CHCHD6: variants seen among roughly 807,000 people sequenced by gnomAD.
The protein encoded by CHCHD6 is coiled-coil-helix-coiled-coil-helix domain containing 6, also known as MICOS complex subunit MIC25.
In CHCHD6, 28 loss-of-function variants were observed where a neutral mutation model predicts 32.3. That is an observed-to-expected ratio of 0.87 (90% CI 0.64 to 1.19). The LOEUF (loss-of-function observed/expected upper bound fraction) is 1.19, where lower values mean the gene tolerates loss of function less well. Ranked by LOEUF, CHCHD6 falls within the 50% of genes most tolerant of loss-of-function variation. The pLI is 0.00. For synonymous variants in CHCHD6, 122 were observed against 117.5 expected (o/e 1.04, Z -0.25); for missense variants, 333 against 307.0 (o/e 1.08, Z -0.63).
intron 4 of CHCHD6, among the ~76,000 whole-genome samples, chr3:126,807,419 A>G (rs190785722): frequency 6.6e-5 from 10 of 152,302 alleles, no homozygotes; most frequent in Admixed American, 1.3e-4. Flanking sequence ...AATTAAAAAT[A>G]TGGTATCAGA....
At chr3:126,924,452 G>C (rs1181201097) in intron 6 of CHCHD6, among the ~76,000 whole-genome samples, 1 of 152,128 alleles carries the variant, frequency 6.6e-6, no homozygotes, top group African/African-American at 2.4e-5. Flanking sequence ...AAATTAACAA[G>C]ACTACAAACA....
At chr3:126,774,560 G>T (rs971641145) in intron 4 of CHCHD6, among the ~76,000 whole-genome samples, 1 of 152,160 alleles carries the variant, frequency 6.6e-6, no homozygotes, top group African/African-American at 2.4e-5. Context: ...ACCCTGGCTG[G>T]GATGGGGAAG....
At chr3:126,738,757 G>T (rs1936165656) in intron 4 of CHCHD6, among the ~76,000 whole-genome samples, 1 of 152,114 alleles carries the variant, frequency 6.6e-6, no homozygotes, top group African/African-American at 2.4e-5. Context: ...CTATAGAATG[G>T]GTGACAATTC....
At chr3:126,846,169 T>A (rs1409056043) in intron 4 of CHCHD6, among the ~76,000 whole-genome samples, 2 of 152,144 alleles carry the variant, frequency 1.3e-5, no homozygotes, top group African/African-American at 4.8e-5. Flanking sequence ...AATGTCATTA[T>A]TTTTCCTGTC....
At chr3:126,884,512 C>G (rs2077653907) in intron 5 of CHCHD6, among the ~76,000 whole-genome samples, 2 of 151,966 alleles carry the variant, frequency 1.3e-5, no homozygotes, top group African/African-American at 2.4e-5. Flanking sequence ...TAGGAGTTGA[C>G]AAACCATGAA....
chr3:126,939,431 G>C (rs2078527684), intron 6 of CHCHD6, among the ~76,000 whole-genome samples: 1 of 152,210 alleles, frequency 6.6e-6, no homozygotes, highest in Admixed American at 6.5e-5. Context: ...GTTTCTCTCT[G>C]ATTTCATGCG....
chr3:126,727,073 C>A lies in CHCHD6; in HGVS notation c.88-5C>A. ...TTTTCTTTTCCCTCTTTTCTGCTTCCTTAGCTGTCTGAAAACGTGGTGAAC... is the reference window on the plus strand; with the variant it reads ...TTTTCTTTTCCCTCTTTTCTGCTTCATTAGCTGTCTGAAAACGTGGTGAAC... On this transcript the variant is annotated splice_polypyrimidine_tract_variant and splice_region_variant and intron_variant, in intron 1 of 7. Coordinates refer to ENST00000290913, the MANE Select transcript of CHCHD6 (RefSeq NM_032343.3). 1 of 1,608,288 alleles carries A rather than the reference C, an allele frequency of 6.2e-7. No homozygotes were observed. The highest frequency in any genetic ancestry group is 8.5e-7 in the Non-Finnish European group (1 of 1,174,840).
chr3:126,775,793 A>G (rs1365518939), intron 4 of CHCHD6, among the ~76,000 whole-genome samples: 5 of 152,246 alleles, frequency 3.3e-5, no homozygotes, highest in African/African-American at 1.2e-4. Flanking sequence ...GAAAAACTGC[A>G]GGCTCAAATC....
chr3:126,849,729 C>T (rs1351353843), intron 4 of CHCHD6, among the ~76,000 whole-genome samples: 4 of 152,222 alleles, frequency 2.6e-5, no homozygotes, highest in Non-Finnish European at 5.9e-5. Flanking sequence ...AATTATTTAT[C>T]TGCACACACA....
chr3:126,830,728 C>T lies in CHCHD6; in HGVS notation c.412-21919C>T, dbSNP rs533955387. ...TCTTGCAGTCTACTTTTAACATGGA[C>T]AGAGACTGGCCTTAGGAAGAGGCAG... is the stretch of plus-strand genomic sequence containing the variant. On this transcript the variant is annotated intron_variant, in intron 4 of 7. Transcript: ENST00000290913. 7.2e-5 allele frequency among the ~76,000 whole-genome samples: 11 copies of T among 152,336 alleles called. No homozygotes were observed. The South Asian group carries it at 8.3e-4, about 11-fold the overall frequency.
At chr3:126,799,428 T>G (rs1346971746) in intron 4 of CHCHD6, among the ~76,000 whole-genome samples, 1 of 152,232 alleles carries the variant, frequency 6.6e-6, no homozygotes, top group Non-Finnish European at 1.5e-5. Flanking sequence ...ATAAAATGTA[T>G]TTGTTTCTTA....
At chr3:126,861,012 A>C (rs1337251655) in intron 5 of CHCHD6, among the ~76,000 whole-genome samples, 8 of 152,186 alleles carry the variant, frequency 5.3e-5, no homozygotes, top group Non-Finnish European at 1.2e-4. Context: ...TACTGGCCTT[A>C]TAGAGATGAT....
Position 126,757,433 on chromosome 3 carries a change from G to A in CHCHD6, c.411+24211G>A, listed in dbSNP as rs149375545. Among the ~76,000 whole-genome samples the A allele has an allele frequency of 2.2e-3, 328 of 152,234 alleles. 1 individual carries two copies. Among genetic ancestry groups the A allele is most frequent in the Non-Finnish European group, 3.2e-3 (221 of 68,016 alleles). ...GGCAGGGGGGCTCAAAAGGAAAAGG[G>A]AAAATATTGCTCTGGAAAGACAACT... On this transcript the variant is annotated intron_variant, in intron 4 of 7. Transcript: ENST00000290913.
At chr3:126,798,411 G>A (rs1311270449) in intron 4 of CHCHD6, among the ~76,000 whole-genome samples, 1 of 152,170 alleles carries the variant, frequency 6.6e-6, no homozygotes, top group Non-Finnish European at 1.5e-5. Context: ...GAGGTTTCTC[G>A]GGTCTGTGTT....
intron 4 of CHCHD6, among the ~76,000 whole-genome samples, chr3:126,822,230 GT>G (rs1035250881): frequency 4.1e-4 from 63 of 152,066 alleles, no homozygotes; most frequent in African/African-American, 1.5e-3. Context: ...TTTTGAGTTA[GT>G]TTTTGTATAT....
intron 4 of CHCHD6, among the ~76,000 whole-genome samples, chr3:126,763,920 A>C (rs1937255642): frequency 6.6e-6 from 1 of 152,150 alleles, no homozygotes; most frequent in Admixed American, 6.5e-5. Context: ...TTGGATGTAC[A>C]TAATGCTGAA....
At chr3:126,825,251 T>C (rs1559866370) in intron 4 of CHCHD6, among the ~76,000 whole-genome samples, 1 of 152,200 alleles carries the variant, frequency 6.6e-6, no homozygotes, top group Non-Finnish European at 1.5e-5. Context: ...TTATTTCTAG[T>C]TTAATTTCAT....
At chr3:126,742,100 G>GTT (rs1373228527) in intron 4 of CHCHD6, among the ~76,000 whole-genome samples, 1 of 152,198 alleles carries the variant, frequency 6.6e-6, no homozygotes, top group East Asian at 1.9e-4. Context: ...TGGGTTCAGC[G>GTT]TTTTAGGGGA....
intron 4 of CHCHD6, among the ~76,000 whole-genome samples, chr3:126,772,735 A>C (rs1937566371): frequency 6.6e-6 from 1 of 152,130 alleles, no homozygotes; most frequent in South Asian, 2.1e-4. Context: ...ATTATGTTCA[A>C]GGTTAGTATT....
Sources: allele counts gnomAD v4.1 joint callset (sites outside exome capture counted in the v4.1 genomes callset), GRCh38; gene constraint gnomAD v4.1.1; transcripts MANE v1.5; gene names NCBI Gene and HGNC (gene_info 2026-07-23, HGNC 2026-07-21).